The following PTPRD variants were observed in gnomAD, a reference collection of about 807,000 sequenced individuals.
PTPRD encodes receptor-type tyrosine-protein phosphatase delta.
In PTPRD, 34 loss-of-function variants were observed where a neutral mutation model predicts 214.5. The ratio of observed to expected loss-of-function variants is 0.16; its 90% CI spans 0.12 to 0.21. PTPRD has a LOEUF of 0.21. Ranked by LOEUF, PTPRD falls within the 10% of genes least tolerant of loss-of-function variation. The probability of loss-of-function intolerance (pLI) is 1.00; values close to 1 mark genes in which losing one functional copy is unlikely to be tolerated. For synonymous variants in PTPRD, 1,128 were observed against 845.7 expected, an observed-to-expected ratio of 1.33 and a Z score of -5.79; for missense variants, 2,545 against 2,398.7, an observed-to-expected ratio of 1.06 and a Z score of -1.27.
intron 2 of PTPRD, among the ~76,000 whole-genome samples, chr9:10,540,622 T>C (rs1188812243): frequency 6.6e-6 from 1 of 152,218 alleles, no homozygotes; most frequent in South Asian, 2.1e-4. Flanking sequence ...CTTATATTAA[T>C]GTTACAATTC....
At chr9:9,163,678 C>T (rs1163678103) in intron 10 of PTPRD, among the ~76,000 whole-genome samples, 1 of 152,096 alleles carries the variant, frequency 6.6e-6, no homozygotes, top group Non-Finnish European at 1.5e-5. Flanking sequence ...TGTCCTACTG[C>T]CCTTATGATC....
intron 2 of PTPRD, among the ~76,000 whole-genome samples, chr9:10,370,443 T>C (rs1401663819): frequency 2.0e-5 from 3 of 152,096 alleles, no homozygotes; most frequent in Non-Finnish European, 4.4e-5. Context: ...TTCTCTGACA[T>C]AGTACAATAC....
At chr9:8,363,348 C>G (rs1308589324) in intron 39 of PTPRD, among the ~76,000 whole-genome samples, 1 of 152,110 alleles carries the variant, frequency 6.6e-6, no homozygotes, top group African/African-American at 2.4e-5. Flanking sequence ...CAAGGAGGAG[C>G]CTTACCGCAG....
chr9:8,947,404 T>C (rs1242965560), intron 11 of PTPRD, among the ~76,000 whole-genome samples: 1 of 146,666 alleles, frequency 6.8e-6, no homozygotes, highest in Non-Finnish European at 1.5e-5. Flanking sequence ...CAGAGCTTGC[T>C]GTGAGCTGAG....
At chr9:9,149,555 G>C (rs929492614) in intron 10 of PTPRD, among the ~76,000 whole-genome samples, 2 of 152,118 alleles carry the variant, frequency 1.3e-5, no homozygotes, top group East Asian at 3.9e-4. Context: ...CGGGTTCCCT[G>C]GCAATCAGCT....
chr9:9,873,237 A>G (rs1224609298), intron 5 of PTPRD, among the ~76,000 whole-genome samples: 3 of 152,168 alleles, frequency 2.0e-5, no homozygotes, highest in African/African-American at 7.2e-5. Context: ...AAACTGTTCT[A>G]ACCTTTCATG....
At chr9:9,552,346 C>T (rs557479259) in intron 8 of PTPRD, among the ~76,000 whole-genome samples, 7 of 152,062 alleles carry the variant, frequency 4.6e-5, no homozygotes, top group African/African-American at 1.7e-4. Context: ...CAGTCAATTG[C>T]CATTTTCTAT....
intron 14 of PTPRD, among the ~76,000 whole-genome samples, chr9:8,593,819 C>T (rs1230228775): frequency 6.6e-6 from 1 of 152,140 alleles, no homozygotes; most frequent in Non-Finnish European, 1.5e-5. Flanking sequence ...TCCAGAGAAC[C>T]ATCATAGCTG....
At chr9:10,203,491 T>A (rs2099443727) in intron 3 of PTPRD, among the ~76,000 whole-genome samples, 1 of 152,058 alleles carries the variant, frequency 6.6e-6, no homozygotes, top group African/African-American at 2.4e-5. Flanking sequence ...GAAACTTGAA[T>A]GTTGAGGGTA....
chr9:10,008,436 C>G (rs1022360383), intron 4 of PTPRD, among the ~76,000 whole-genome samples: 1 of 151,962 alleles, frequency 6.6e-6, no homozygotes, highest in Non-Finnish European at 1.5e-5. Flanking sequence ...CTTTGTTTCA[C>G]ATTTTGACAT....
intron 30 of PTPRD, 149 bp from the exon 31 acceptor site, chr9:8,471,234 A>G (rs2096646768): frequency 1.5e-6 from 1 of 657,722 alleles, no homozygotes; most frequent in Non-Finnish European, 2.7e-6. Flanking sequence ...ACAAATATCC[A>G]CCTGTTTGTT....
chr9:9,229,016 T>A (rs911494196), intron 9 of PTPRD, among the ~76,000 whole-genome samples: 3 of 152,118 alleles, frequency 2.0e-5, no homozygotes, highest in African/African-American at 7.2e-5. Context: ...ACTTTCTTTC[T>A]TTTAGAAATA....
intron 2 of PTPRD, among the ~76,000 whole-genome samples, chr9:10,440,207 A>G (rs1462932041): frequency 1.3e-5 from 2 of 151,692 alleles, no homozygotes; most frequent in Admixed American, 6.6e-5. Flanking sequence ...GAAACTATAA[A>G]AACAGTTTTT....
At chr9:10,414,458 G>T (rs994288983) in intron 2 of PTPRD, among the ~76,000 whole-genome samples, 2 of 151,914 alleles carry the variant, frequency 1.3e-5, no homozygotes, top group Admixed American at 6.6e-5. Context: ...GCAAGATCAT[G>T]CAGAAAAAGG....
At chr9:10,080,312 C>G (rs2098215059) in intron 3 of PTPRD, among the ~76,000 whole-genome samples, 1 of 152,040 alleles carries the variant, frequency 6.6e-6, no homozygotes, top group African/African-American at 2.4e-5. Context: ...GACAATTTCA[C>G]CAGAGGACAA....
intron 5 of PTPRD, among the ~76,000 whole-genome samples, chr9:9,892,055 C>G (rs770406749): frequency 7.5e-4 from 114 of 152,142 alleles, no homozygotes; most frequent in Non-Finnish European, 6.9e-4. Flanking sequence ...CTTTTAATTT[C>G]TTCTATGTAC....
chr9:9,498,269 T>C (rs2096273120), intron 8 of PTPRD, among the ~76,000 whole-genome samples: 1 of 152,144 alleles, frequency 6.6e-6, no homozygotes, highest in African/African-American at 2.4e-5. Flanking sequence ...CCTCTTGTAT[T>C]ACGCAGTCTT....
At chr9:8,632,789 A>C (rs1009565254) in intron 14 of PTPRD, among the ~76,000 whole-genome samples, 1 of 152,042 alleles carries the variant, frequency 6.6e-6, no homozygotes, top group East Asian at 1.9e-4. Context: ...AGATCAATAC[A>C]TATTGGTTTA....
intron 5 of PTPRD, among the ~76,000 whole-genome samples, chr9:9,876,995 T>C (rs1291913352): frequency 2.6e-5 from 4 of 152,214 alleles, no homozygotes; most frequent in Non-Finnish European, 5.9e-5. Flanking sequence ...TTATTTATCC[T>C]TGCTGAAGTT....
Sources: allele counts gnomAD v4.1 joint callset (sites outside exome capture counted in the v4.1 genomes callset), GRCh38; gene constraint gnomAD v4.1.1; transcripts MANE v1.5; gene names NCBI Gene and HGNC (gene_info 2026-07-23, HGNC 2026-07-21).